Variants in CREB5 observed in about 807,000 individuals in gnomAD.
The protein encoded by CREB5 is cyclic AMP-responsive element-binding protein 5.
CREB5 carries 19 observed loss-of-function variants against 57.1 expected under a neutral mutation model. The ratio of observed to expected loss-of-function variants is 0.33; its 90% confidence interval spans 0.23 to 0.49. CREB5 has a LOEUF of 0.49. Ranked by LOEUF, CREB5 falls within the 20% of genes least tolerant of loss-of-function variation. CREB5 has a pLI of 0.99. For missense variants in CREB5, 579 were observed against 671.6 expected (o/e 0.86, Z 1.52); for synonymous variants, 238 against 238.3 (o/e 1.00, Z 0.01).
chr7:28,674,505 AT>A (rs1191393959), intron 5 of CREB5, among the ~76,000 whole-genome samples: 1 of 152,128 alleles, frequency 6.6e-6, no homozygotes, highest in Admixed American at 6.5e-5. Flanking sequence ...CATTTCTGAG[AT>A]TTACACTGCC....
chr7:28,781,808 T>A (rs189010117), intron 7 of CREB5, among the ~76,000 whole-genome samples: 1 of 152,156 alleles, frequency 6.6e-6, no homozygotes, highest in Non-Finnish European at 1.5e-5. Context: ...TACATAGTAC[T>A]TAGACTGTGC....
At chr7:28,772,692 C>G (rs957959350) in intron 7 of CREB5, among the ~76,000 whole-genome samples, 1 of 152,128 alleles carries the variant, frequency 6.6e-6, no homozygotes. Flanking sequence ...AGCAGTAAAG[C>G]CTTTATAGAA....
chr7:28,659,485 C>A (rs1314801919), intron 5 of CREB5, among the ~76,000 whole-genome samples: 1 of 152,168 alleles, frequency 6.6e-6, no homozygotes, highest in Non-Finnish European at 1.5e-5. Flanking sequence ...CTGTGTTTTG[C>A]GTGCAGAGAG....
At chr7:28,583,897 C>T (rs760194650) in intron 5 of CREB5, among the ~76,000 whole-genome samples, 14 of 152,028 alleles carry the variant, frequency 9.2e-5, no homozygotes, top group African/African-American at 2.4e-4. Context: ...AGGCTGGTCT[C>T]GAACTCCCAA....
At chr7:28,596,367 C>T (rs559327664) in intron 5 of CREB5, among the ~76,000 whole-genome samples, 1 of 152,280 alleles carries the variant, frequency 6.6e-6, no homozygotes, top group East Asian at 1.9e-4. Context: ...GAATTTCTTG[C>T]ATTGCATTGC....
intron 7 of CREB5, among the ~76,000 whole-genome samples, chr7:28,753,286 CA>C (rs1419849276): frequency 6.6e-6 from 1 of 152,124 alleles, no homozygotes; most frequent in Non-Finnish European, 1.5e-5. Flanking sequence ...GCCCCAAAAA[CA>C]TGTTCAAGTG....
At chr7:28,731,409 A>G (rs1223188733) in intron 7 of CREB5, among the ~76,000 whole-genome samples, 1 of 152,250 alleles carries the variant, frequency 6.6e-6, no homozygotes, top group Non-Finnish European at 1.5e-5. Flanking sequence ...ACACGAGAAT[A>G]TACATTCGAT....
chr7:28,593,285 G>T (rs1332996379), intron 5 of CREB5, among the ~76,000 whole-genome samples: 2 of 152,080 alleles, frequency 1.3e-5, no homozygotes, highest in African/African-American at 4.8e-5. Context: ...GTCTTGCTCT[G>T]TTGCTCAGGA....
intron 4 of CREB5, among the ~76,000 whole-genome samples, chr7:28,561,025 CGTGTGTGTGTGTGT>C (rs79113344): frequency 6.0e-5 from 3 of 49,704 alleles, no homozygotes; most frequent in East Asian, 1.6e-3. Flanking sequence ...TGCGTGTGTG[CGTGTGTGTGTGTGT>C]GTGTGAAGGT....
intron 5 of CREB5, among the ~76,000 whole-genome samples, chr7:28,686,968 TGGTGGTTGGTTG>T (rs1418060665): frequency 6.7e-6 from 1 of 148,742 alleles, no homozygotes; most frequent in African/African-American, 2.5e-5. Flanking sequence ...AGTGATGGTG[TGGTGGTTGGTTG>T]GGGGGTTGGG....
At chr7:28,804,669 G>T in intron 8 of CREB5, 147 bp downstream of exon 8, 2 of 999,068 alleles carry the variant, frequency 2.0e-6, no homozygotes, top group South Asian at 3.0e-5. Flanking sequence ...CTCCTAGGAG[G>T]CAAGCCTTAC....
In CREB5 at chr7:28,524,316, A is replaced by AACACACACACACAC. The variant is rs4000595; in HGVS notation, c.291+16610_291+16623dup. ...ACATGGTGAAACCTCGCCTCTACTAAACACACACACACACACACACACACA... is the reference window on the plus strand; with the variant it reads ...ACATGGTGAAACCTCGCCTCTACTAAACACACACACACACACACACACACACACACACACACACA... On this transcript the variant is annotated intron_variant, in intron 4 of 10. Coordinates refer to ENST00000357727, the MANE Select transcript of CREB5 (RefSeq NM_182898.4). Among the ~76,000 whole-genome samples the AACACACACACACAC allele has an allele frequency of 9.3e-4, 127 of 136,648 alleles. 1 individual carries two copies. Among genetic ancestry groups the AACACACACACACAC allele is most frequent in the Middle Eastern group, 3.8e-3 (1 of 262 alleles). The allele number at this position is 136,648 out of a possible 152,430, so 89.6% of individuals were successfully genotyped here. A position where few individuals can be genotyped will look rare whatever the true frequency, so the allele number is the denominator to read the frequency against.
At chr7:28,491,305 G>C in intron 2 of CREB5, 2 of 965,950 alleles carry the variant, frequency 2.1e-6, no homozygotes, top group Non-Finnish European at 2.5e-6. Context: ...AGAAGATAAA[G>C]GGTGTAGACA....
intron 5 of CREB5, among the ~76,000 whole-genome samples, chr7:28,644,309 C>A (rs1798806115): frequency 6.6e-6 from 1 of 152,176 alleles, no homozygotes; most frequent in Admixed American, 6.5e-5. Context: ...TATCATCTTT[C>A]TTCAAAAGGT....
chr7:28,806,764 C>T (rs572812689), intron 8 of CREB5, among the ~76,000 whole-genome samples: 1 of 152,234 alleles, frequency 6.6e-6, no homozygotes, highest in East Asian at 1.9e-4. Context: ...GGTGAAGGCA[C>T]AGGAAAAGTA....
At chr7:28,468,234 GGTCCT>G (rs1012038492) in intron 1 of CREB5, among the ~76,000 whole-genome samples, 6 of 152,310 alleles carry the variant, frequency 3.9e-5, no homozygotes, top group African/African-American at 1.4e-4. Context: ...GCCAGCACCA[GGTCCT>G]GTCTGCCAAT....
chr7:28,412,737 T>C lies in CREB5; in HGVS notation c.-178T>C. On this transcript the variant is annotated 5_prime_UTR_variant, in exon 1 of 11. Coordinates refer to ENST00000357727, the MANE Select transcript of CREB5 (RefSeq NM_182898.4). The stretch of plus-strand genomic sequence containing the variant: ...AAGTAATTGTAAAATACCAGACCTG[T>C]TCTTTTTACTAAAAGCTAGTTTCAC... The C allele has an allele frequency of 2.2e-6, 1 of 462,632 alleles. No individual in the cohort carries two copies. The highest frequency in any genetic ancestry group is 3.4e-5 in the East Asian group (1 of 29,560). 28.7% of individuals were successfully genotyped at this position (462,632 alleles called of 1,614,324 possible). A position where few individuals can be genotyped will look rare whatever the true frequency, so the allele number is the denominator to read the frequency against.
chr7:28,644,761 T>C (rs1798826005), intron 5 of CREB5, among the ~76,000 whole-genome samples: 1 of 152,152 alleles, frequency 6.6e-6, no homozygotes, highest in Admixed American at 6.5e-5. Context: ...AAATTAAAAG[T>C]GCTTACTGAC....
chr7:28,461,438 A>G (rs879872293), intron 1 of CREB5, among the ~76,000 whole-genome samples: 1 of 152,128 alleles, frequency 6.6e-6, no homozygotes, highest in Non-Finnish European at 1.5e-5. Flanking sequence ...TATGTTGGTT[A>G]GATGTTCAGA....
Sources: allele counts gnomAD v4.1 joint callset (sites outside exome capture counted in the v4.1 genomes callset), GRCh38; gene constraint gnomAD v4.1.1; transcripts MANE v1.5; gene names NCBI Gene and HGNC (gene_info 2026-07-23, HGNC 2026-07-21).